The following EML1 variants were observed in gnomAD, a reference collection of about 807,000 sequenced individuals.
The protein encoded by EML1 is EMAP like 1.
A neutral mutation model predicts 110.4 loss-of-function variants in EML1; 27 were observed. The observed-to-expected ratio is 0.24, with a 90% CI of 0.18 to 0.34. EML1 has a LOEUF of 0.34. Ranked by LOEUF, EML1 falls within the 10% of genes least tolerant of loss-of-function variation. The pLI is 1.00. For missense variants in EML1, 741 were observed against 1,030.9 expected (o/e 0.72, Z 3.85); for synonymous variants, 344 against 385.8 (o/e 0.89, Z 1.27).
intron 8 of EML1, 43 bp from the exon 9 acceptor site, chr14:99,900,886 A>G (rs776427085): frequency 1.5e-5 from 23 of 1,533,654 alleles, no homozygotes; most frequent in Non-Finnish European, 2.0e-5. Context: ...ACACATGTGT[A>G]TCACCATCAC....
intron 3 of EML1, among the ~76,000 whole-genome samples, chr14:99,872,164 C>T (rs553103051): frequency 8.5e-5 from 13 of 152,218 alleles, no homozygotes; most frequent in South Asian, 4.2e-4. Context: ...AAGGGGATGT[C>T]GGGGCCAAAC....
intron 2 of EML1, among the ~76,000 whole-genome samples, chr14:99,853,426 C>T (rs2139840073): frequency 6.6e-6 from 1 of 151,942 alleles, no homozygotes; most frequent in East Asian, 1.9e-4. Flanking sequence ...GGTGTGCCTG[C>T]AGCAGCTGCC....
chr14:99,861,404 A>AT (rs1037863032), intron 2 of EML1, among the ~76,000 whole-genome samples: 2 of 152,202 alleles, frequency 1.3e-5, no homozygotes, highest in African/African-American at 4.8e-5. Context: ...ATTTGGCATA[A>AT]TACACAGTTT....
chr14:99,740,363 G>A (rs772464940), intron 1 of EML1, among the ~76,000 whole-genome samples: 8 of 152,224 alleles, frequency 5.3e-5, no homozygotes, highest in African/African-American at 7.2e-5. Flanking sequence ...CAAGGAGGGC[G>A]AGGCTGGCTA....
intron 17 of EML1, among the ~76,000 whole-genome samples, chr14:99,934,780 C>T (rs1391988783): frequency 1.3e-5 from 2 of 152,204 alleles, no homozygotes. Context: ...CCGGACTCAC[C>T]TCCTGGCCGT....
At position 99,857,330 on chromosome 14, in the gene EML1, AC is replaced by A. The variant is rs1595387591; in HGVS notation, c.250+6296del. 2.6e-5 allele frequency among the ~76,000 whole-genome samples: 4 copies of A among 152,222 alleles called. No homozygotes were observed. The East Asian group carries it at 7.7e-4, about 29-fold the overall frequency. Reference sequence around the variant, plus strand: ...ATAAAGTCTATAATACCATTATTACACTTAAAAATTAATAATTTCTTAATAT... The same window carrying A: ...ATAAAGTCTATAATACCATTATTACATTAAAAATTAATAATTTCTTAATAT... On this transcript the variant is annotated intron_variant, in intron 2 of 21. Coordinates refer to ENST00000262233, the MANE Select transcript of EML1 (RefSeq NM_004434.3).
upstream of EML1, among the ~76,000 whole-genome samples, chr14:99,790,866 C>CTTTTTTTTTT (rs58349128): frequency 2.1e-5 from 3 of 142,686 alleles, no homozygotes; most frequent in Non-Finnish European, 3.0e-5. Context: ...TTTTCTTTTC[C>CTTTTTTTTTT]TTTTTTTTTG....
intron 2 of EML1, among the ~76,000 whole-genome samples, chr14:99,864,376 G>T (rs1324946839): frequency 6.6e-6 from 1 of 152,086 alleles, no homozygotes; most frequent in African/African-American, 2.4e-5. Flanking sequence ...TTCATGGATT[G>T]TGCTTTTGGT....
At chr14:99,751,579 G>A (rs547696692) in intron 1 of EML1, among the ~76,000 whole-genome samples, 3 of 152,142 alleles carry the variant, frequency 2.0e-5, no homozygotes, top group African/African-American at 4.8e-5. Context: ...ATGGGGTATC[G>A]TGAATCAGGG....
At chr14:99,783,752 G>A (rs1268972369) in intron 1 of EML1, among the ~76,000 whole-genome samples, 1 of 152,138 alleles carries the variant, frequency 6.6e-6, no homozygotes, top group Non-Finnish European at 1.5e-5. Context: ...CAAAGTGCTG[G>A]GATTATAGGC....
chr14:99,926,799 A>G (rs1435119986), intron 17 of EML1, among the ~76,000 whole-genome samples: 1 of 150,734 alleles, frequency 6.6e-6, no homozygotes, highest in African/African-American at 2.4e-5. Flanking sequence ...GTTGGAGTGC[A>G]GTGGCGTGAT....
chr14:99,792,653 C>A (rs1411676893), upstream of EML1: 1 of 152,204 alleles, frequency 6.6e-6, no homozygotes. Flanking sequence ...GATCTGTATC[C>A]CAGGGGCTGA....
At chr14:99,831,656 G>A (rs2058455959) in intron 1 of EML1, among the ~76,000 whole-genome samples, 1 of 152,040 alleles carries the variant, frequency 6.6e-6, no homozygotes, top group African/African-American at 2.4e-5. Flanking sequence ...AAAAAAATCT[G>A]CTGCAACCTA....
intron 1 of EML1, among the ~76,000 whole-genome samples, chr14:99,821,567 G>T (rs2058263328): frequency 6.6e-6 from 1 of 151,920 alleles, no homozygotes; most frequent in South Asian, 2.1e-4. Flanking sequence ...TACAGGTGAG[G>T]AAATTGGGTC....
intron 7 of EML1, 78 bp from the exon 8 acceptor site, chr14:99,898,155 G>T: frequency 1.6e-6 from 2 of 1,223,824 alleles, no homozygotes; most frequent in South Asian, 3.5e-5. Context: ...TTAAATTTTT[G>T]ACTAGATTAT....
chr14:99,880,541 G>A (rs992546803), intron 4 of EML1, among the ~76,000 whole-genome samples: 3 of 152,202 alleles, frequency 2.0e-5, no homozygotes, highest in Non-Finnish European at 4.4e-5. Context: ...TGGCCCCCAT[G>A]TAATTTCTGT....
chr14:99,914,500 C>T, intron 14 of EML1, 66 bp from the exon 15 acceptor site: 1 of 1,546,124 alleles, frequency 6.5e-7, no homozygotes, highest in Non-Finnish European at 8.7e-7. Flanking sequence ...GTTCGTCATC[C>T]CTTACGGCTC....
chr14:99,789,548 T>C (rs1268096056), upstream of EML1, among the ~76,000 whole-genome samples: 1 of 152,228 alleles, frequency 6.6e-6, no homozygotes, highest in Admixed American at 6.5e-5. Context: ...GACTCTTTAA[T>C]TGACTTCACG....
intron 5 of EML1, 57 bp from the exon 6 acceptor site, chr14:99,894,572 G>A: frequency 6.4e-7 from 1 of 1,557,964 alleles, no homozygotes; most frequent in Non-Finnish European, 8.7e-7. Flanking sequence ...TAAAGCATTT[G>A]TTTTCAGGTA....
Sources: allele counts gnomAD v4.1 joint callset (sites outside exome capture counted in the v4.1 genomes callset), GRCh38; gene constraint gnomAD v4.1.1; transcripts MANE v1.5; gene names NCBI Gene and HGNC (gene_info 2026-07-23, HGNC 2026-07-21).